Variants in PDE9A observed in about 807,000 individuals in gnomAD.
PDE9A encodes the protein phosphodiesterase 9A.
Under a neutral mutation model 87.4 loss-of-function variants are expected in PDE9A, and 60 were observed. The observed-to-expected ratio is 0.69, with a 90% confidence interval of 0.56 to 0.85. The LOEUF (loss-of-function observed/expected upper bound fraction) is 0.85, where lower values mean the gene tolerates loss of function less well. Ranked by LOEUF, PDE9A falls within the 40% of genes least tolerant of loss-of-function variation. The pLI, the probability that PDE9A is intolerant of heterozygous loss-of-function variation, is 0.00. For synonymous variants in PDE9A, 272 were observed against 279.4 expected (o/e 0.97, Z 0.27); for missense variants, 665 against 779.0 (o/e 0.85, Z 1.74).
chr21:42,676,279 GC>G (rs2058838823), intron 1 of PDE9A, among the ~76,000 whole-genome samples: 1 of 152,190 alleles, frequency 6.6e-6, no homozygotes, highest in Admixed American at 6.5e-5. Flanking sequence ...ACTCACTTGA[GC>G]ATGTGCACTT....
Position 42,775,451 on chromosome 21 carries a change from A to G in PDE9A, c.*158A>G. On this transcript the variant is annotated 3_prime_UTR_variant, in exon 20 of 20. Transcript: ENST00000291539. ...ACAAAAAAAAAAAAAGGAATTCATGATGCTGTACAGAATTTTATTTTTAAA... is the reference window on the plus strand; with the variant it reads ...ACAAAAAAAAAAAAAGGAATTCATGGTGCTGTACAGAATTTTATTTTTAAA... 5.2e-6 allele frequency: 3 copies of G among 571,758 alleles called. No individual in the cohort carries two copies. The highest frequency in any genetic ancestry group is 2.7e-5 in the South Asian group (1 of 37,720). The allele number at this position is 571,758 out of a possible 1,614,324, so 35.4% of individuals were successfully genotyped here. A position where few individuals can be genotyped will look rare whatever the true frequency, so the allele number is the denominator to read the frequency against.
In PDE9A at chr21:42,660,483, T is replaced by C. The variant is rs1282713267; in HGVS notation, c.69+6600T>C. Among the ~76,000 whole-genome samples, 2 of 152,020 alleles carry C rather than the reference T, an allele frequency of 1.3e-5. No homozygotes were observed. Among genetic ancestry groups the C allele is most frequent in the Non-Finnish European group, 2.9e-5 (2 of 67,996 alleles). On this transcript the variant is annotated intron_variant, in intron 1 of 19. Transcript: ENST00000291539. The surrounding 1 kb of genome is among the most constrained non-coding windows in gnomAD (Gnocchi z 4.7). ...TTGAGAAGAAAATGTTCTAAGAAAG[T>C]GCACAGGGTGGTGGATGAAAGACCA...
At chr21:42,773,555 C>T (rs1415321622) in intron 19 of PDE9A, among the ~76,000 whole-genome samples, 1 of 152,208 alleles carries the variant, frequency 6.6e-6, no homozygotes, top group East Asian at 1.9e-4. Flanking sequence ...CGCCTGTAAT[C>T]CAAGCACTTT....
chr21:42,672,298 G>A (rs1220943117), intron 1 of PDE9A, among the ~76,000 whole-genome samples: 3 of 152,146 alleles, frequency 2.0e-5, no homozygotes, highest in African/African-American at 7.2e-5. Flanking sequence ...GGCCAGGCCG[G>A]GCTCTTCTCT....
chr21:42,701,033 A>G (rs1196021650), intron 4 of PDE9A: 1 of 152,258 alleles, frequency 6.6e-6, no homozygotes, highest in Non-Finnish European at 1.5e-5. Flanking sequence ...GTTGCATTAA[A>G]TATACAGACC....
In PDE9A at chr21:42,684,490, G is replaced by A. The variant is rs541584108; in HGVS notation, c.70-1702G>A. ...TAGGGCTGAGGATGGTGCCATGGTA[G>A]AAGTGAGGGCCTGGCACCCGGCCAA... On this transcript the variant is annotated intron_variant, in intron 1 of 19. Coordinates refer to ENST00000291539, the MANE Select transcript of PDE9A (RefSeq NM_002606.3). Among the ~76,000 whole-genome samples, 383 of 152,368 alleles carry A rather than the reference G, an allele frequency of 2.5e-3. 5 individuals carry two copies. Among genetic ancestry groups the A allele is most frequent in the African/African-American group, 9.0e-3 (373 of 41,592 alleles).
chr21:42,710,879 T>C (rs1421163719), intron 4 of PDE9A, among the ~76,000 whole-genome samples: 1 of 152,130 alleles, frequency 6.6e-6, no homozygotes, highest in Admixed American at 6.6e-5. Context: ...TCCCAGGTAC[T>C]CGAGAGGCTG....
At chr21:42,756,638 A>G (rs1159519705) in intron 10 of PDE9A, 1 of 150,784 alleles carries the variant, frequency 6.6e-6, no homozygotes, top group Non-Finnish European at 1.5e-5. Flanking sequence ...GCCTGCCTCT[A>G]TCCTCCGAGG....
chr21:42,670,746 CAT>C (rs1314312437), intron 1 of PDE9A, among the ~76,000 whole-genome samples: 2 of 144,788 alleles, frequency 1.4e-5, no homozygotes, highest in East Asian at 2.3e-4. Context: ...CATTCACACA[CAT>C]ACACTCACAT....
At chr21:42,772,085 G>T (rs907165350) in intron 18 of PDE9A, among the ~76,000 whole-genome samples, 1 of 149,934 alleles carries the variant, frequency 6.7e-6, no homozygotes, top group African/African-American at 2.5e-5. Context: ...GTTCCTTAAG[G>T]CCTCTGCCTT....
intron 3 of PDE9A, among the ~76,000 whole-genome samples, chr21:42,688,574 T>C (rs2059609820): frequency 6.6e-6 from 1 of 152,174 alleles, no homozygotes; most frequent in Non-Finnish European, 1.5e-5. Flanking sequence ...GTCAGTGACC[T>C]GCCCCTGTTC....
intron 4 of PDE9A, among the ~76,000 whole-genome samples, chr21:42,711,005 AGGATT>A (rs1018788438): frequency 1.3e-5 from 2 of 152,208 alleles, no homozygotes; most frequent in African/African-American, 4.8e-5. Flanking sequence ...ATATGTAAAA[AGGATT>A]TTGCTCATTT....
chr21:42,731,454 A>C (rs8132186), intron 4 of PDE9A, among the ~76,000 whole-genome samples: 1 of 152,026 alleles, frequency 6.6e-6, no homozygotes, highest in Non-Finnish European at 1.5e-5. Flanking sequence ...CGCTGTGAGC[A>C]TCCACACCTT....
intron 8 of PDE9A, among the ~76,000 whole-genome samples, chr21:42,744,540 G>A (rs2053647055): frequency 6.6e-6 from 1 of 152,154 alleles, no homozygotes; most frequent in Non-Finnish European, 1.5e-5. Context: ...TGCCCCCAGG[G>A]ACCCGGTTCC....
chr21:42,751,333 T>C, intron 9 of PDE9A, 136 bp downstream of exon 9: 1 of 719,086 alleles, frequency 1.4e-6, no homozygotes, highest in Non-Finnish European at 2.5e-6. Context: ...CCGCTGACGG[T>C]GCGGGTTACT....
chr21:42,775,459 C>T lies in PDE9A; in HGVS notation c.*166C>T. The T allele has an allele frequency of 3.7e-6, 2 of 538,328 alleles. No homozygotes were observed. The allele number at this position is 538,328 out of a possible 1,614,324, so 33.3% of individuals were successfully genotyped here. On this transcript the variant is annotated 3_prime_UTR_variant, in exon 20 of 20. Transcript: ENST00000291539. ...AAAAAAAGGAATTCATGATGCTGTA[C>T]AGAATTTTATTTTTAAACTGTCTTT...
In PDE9A at chr21:42,705,215, T is replaced by C. The variant is rs1366279605; in HGVS notation, c.262+6204T>C. The stretch of plus-strand genomic sequence containing the variant: ...GGGAGGGAATCAAATGGATAGAGCA[T>C]TTATCCCTTTTGTGACTAAAATAAA... On this transcript the variant is annotated intron_variant, in intron 4 of 19. Transcript: ENST00000291539. This position sits in a 1 kb window ranked among gnomAD's most constrained non-coding sequence, Gnocchi z 4.3. Among the ~76,000 whole-genome samples, 2 of 152,158 alleles carry C rather than the reference T, an allele frequency of 1.3e-5. No individual in the cohort carries two copies. Among genetic ancestry groups the C allele is most frequent in the African/African-American group, 4.8e-5 (2 of 41,450 alleles).
Position 42,675,223 on chromosome 21 carries a change from A to C in PDE9A, c.70-10969A>C, listed in dbSNP as rs1399578628. 6.6e-6 allele frequency among the ~76,000 whole-genome samples: 1 copy of C among 152,250 alleles called. No homozygotes were observed. Among genetic ancestry groups the C allele is most frequent in the Non-Finnish European group, 1.5e-5 (1 of 68,048 alleles). ...ATATAGCATTAAATTGTCTTCAAAA[A>C]CATGATTTTAATGCCTCTATAAAGT... On this transcript the variant is annotated intron_variant, in intron 1 of 19. Transcript: ENST00000291539. This position sits in a 1 kb window ranked among gnomAD's most constrained non-coding sequence, Gnocchi z 4.3.
intron 1 of PDE9A, among the ~76,000 whole-genome samples, chr21:42,665,775 G>A (rs942979575): frequency 2.6e-5 from 4 of 152,234 alleles, no homozygotes; most frequent in Admixed American, 6.5e-5. Flanking sequence ...AGACTGGCAC[G>A]AGAACCAGTA....
Sources: gnomAD v4.1 joint callset for allele counts (sites outside exome capture counted in the v4.1 genomes callset) on GRCh38, gnomAD v4.1.1 for gene constraint, Gnocchi (gnomAD v3.1) non-coding constraint, MANE v1.5 for transcripts, NCBI Gene and HGNC (gene_info 2026-07-23, HGNC 2026-07-21) for gene names.